AP3B1: variants seen among roughly 807,000 people sequenced by gnomAD.
AP3B1 encodes adaptor related protein complex 3 subunit beta 1, also known as AP-3 complex subunit beta-1.
In AP3B1, 61 loss-of-function variants were observed where a neutral mutation model predicts 132.5. The observed-to-expected ratio is 0.46, with a 90% CI of 0.37 to 0.57. The LOEUF (loss-of-function observed/expected upper bound fraction) is 0.57. Ranked by LOEUF, AP3B1 falls within the 20% of genes least tolerant of loss-of-function variation. The pLI, the probability that AP3B1 is intolerant of heterozygous loss-of-function variation, is 0.00. For synonymous variants in AP3B1, 388 were observed against 438.3 expected (o/e 0.89, Z 1.43); for missense variants, 1,120 against 1,289.4 (o/e 0.87, Z 2.01).
intron 11 of AP3B1, among the ~76,000 whole-genome samples, chr5:78,170,163 A>G (rs942910431): frequency 2.0e-5 from 3 of 152,110 alleles, no homozygotes; most frequent in African/African-American, 7.2e-5. Context: ...TCATTGATGG[A>G]CATCTGGGTT....
intron 22 of AP3B1, among the ~76,000 whole-genome samples, chr5:78,048,179 T>C (rs1399449096): frequency 6.6e-6 from 1 of 152,248 alleles, no homozygotes; most frequent in Non-Finnish European, 1.5e-5. Flanking sequence ...ATGACTTTAA[T>C]TATTCCTGTG....
At chr5:78,014,197 T>C (rs929592617) in intron 26 of AP3B1, among the ~76,000 whole-genome samples, 6 of 150,984 alleles carry the variant, frequency 4.0e-5, no homozygotes, top group African/African-American at 1.5e-4. Context: ...ATGAGACCTC[T>C]TGAGCAACTT....
At chr5:78,169,586 G>A (rs995724532) in intron 11 of AP3B1, among the ~76,000 whole-genome samples, 2 of 151,820 alleles carry the variant, frequency 1.3e-5, no homozygotes, top group Admixed American at 6.6e-5. Context: ...CGGCCACCAC[G>A]CCTGGCTAAT....
intron 22 of AP3B1, among the ~76,000 whole-genome samples, chr5:78,066,145 AC>A (rs1217607303): frequency 6.6e-6 from 1 of 150,808 alleles, no homozygotes; most frequent in African/African-American, 2.4e-5. Context: ...AAAAGTCCCC[AC>A]AAAAACTCCA....
intron 22 of AP3B1, among the ~76,000 whole-genome samples, chr5:78,086,159 C>T (rs900191689): frequency 3.3e-5 from 5 of 152,092 alleles, no homozygotes; most frequent in African/African-American, 9.7e-5. Context: ...TTTCAACAAT[C>T]AGCAGTATCC....
intron 2 of AP3B1, among the ~76,000 whole-genome samples, chr5:78,261,876 C>T (rs773340936): frequency 1.3e-5 from 2 of 152,022 alleles, no homozygotes; most frequent in Admixed American, 6.5e-5. Context: ...CTCAGCCTCC[C>T]GAGCAGCTGG....
intron 21 of AP3B1, 38 bp from the exon 22 acceptor site, chr5:78,089,537 C>G (rs199777145): frequency 5.7e-5 from 74 of 1,305,130 alleles, no homozygotes; most frequent in Admixed American, 1.9e-4. Flanking sequence ...TGTGCATGAA[C>G]GTTTAATTCA....
intron 24 of AP3B1, among the ~76,000 whole-genome samples, chr5:78,026,803 A>T (rs1337279270): frequency 6.6e-6 from 1 of 152,202 alleles, no homozygotes; most frequent in Non-Finnish European, 1.5e-5. Context: ...CAGACACAAA[A>T]GTTATTCTAA....
At chr5:78,188,634 A>G (rs539173948) in intron 7 of AP3B1, among the ~76,000 whole-genome samples, 3 of 152,314 alleles carry the variant, frequency 2.0e-5, no homozygotes, top group East Asian at 3.9e-4. Flanking sequence ...TGGTGGGTAC[A>G]TAAATTAGTA....
At chr5:78,003,126 A>G in intron 26 of AP3B1, 71 bp from the exon 27 acceptor site, 1 of 1,530,422 alleles carries the variant, frequency 6.5e-7, no homozygotes, top group Non-Finnish European at 9.0e-7. Context: ...ACATTCAAAT[A>G]GGATTAAAAT....
chr5:78,274,231 A>G (rs1748677580), intron 1 of AP3B1, among the ~76,000 whole-genome samples: 1 of 152,030 alleles, frequency 6.6e-6, no homozygotes, highest in Non-Finnish European at 1.5e-5. Flanking sequence ...AGAACTGAAA[A>G]GTATAGTATA....
At position 78,279,869 on chromosome 5, in the gene AP3B1, T is replaced by TATATATATATATGACTTAA. The variant is rs1306629728; in HGVS notation, c.129-12293_129-12275dup. On this transcript the variant is annotated intron_variant, in intron 1 of 26. Transcript: ENST00000255194. The stretch of plus-strand genomic sequence containing the variant: ...GACTTAAATATATATAGGACTTAAA[T>TATATATATATATGACTTAA]ATATATATATATGACTTAAATATAT... Among the ~76,000 whole-genome samples the TATATATATATATGACTTAA allele has an allele frequency of 2.6e-3, 283 of 109,800 alleles. 1 individual carries two copies. Among genetic ancestry groups the TATATATATATATGACTTAA allele is most frequent in the Middle Eastern group, 0.011 (2 of 188 alleles). 72.0% of individuals were successfully genotyped at this position (109,800 alleles called of 152,430 possible).
intron 17 of AP3B1, among the ~76,000 whole-genome samples, chr5:78,118,027 C>T (rs1211237786): frequency 6.6e-6 from 1 of 152,094 alleles, no homozygotes; most frequent in Admixed American, 6.6e-5. Context: ...AAGAATGTTT[C>T]TCAGCACTGA....
intron 22 of AP3B1, among the ~76,000 whole-genome samples, chr5:78,039,934 T>C (rs1200714540): frequency 6.6e-6 from 1 of 151,752 alleles, no homozygotes; most frequent in African/African-American, 2.4e-5. Flanking sequence ...AGATCCTCTA[T>C]ATTTGGCCAT....
Position 78,002,821 on chromosome 5 carries a change from T to A in AP3B1, c.*81A>T. The A allele has an allele frequency of 6.7e-7, 1 of 1,499,734 alleles. No individual in the cohort carries two copies. The highest frequency in any genetic ancestry group is 9.3e-7 in the Non-Finnish European group (1 of 1,075,996). The allele number at this position is 1,499,734 out of a possible 1,614,324, so 92.9% of individuals were successfully genotyped here. On this transcript the variant is annotated 3_prime_UTR_variant, in exon 27 of 27. Coordinates refer to ENST00000255194, the MANE Select transcript of AP3B1 (RefSeq NM_003664.5). Reference sequence around the variant, plus strand: ...CCCCCACTGCCAGATGGAAGGGCTATTATTATAAATGAAAGGCAGCAGTAG... The same window carrying A: ...CCCCCACTGCCAGATGGAAGGGCTAATATTATAAATGAAAGGCAGCAGTAG...
chr5:78,120,825 G>C (rs1373403266), intron 17 of AP3B1, among the ~76,000 whole-genome samples: 1 of 152,110 alleles, frequency 6.6e-6, no homozygotes, highest in Non-Finnish European at 1.5e-5. Flanking sequence ...ATTGAACTCA[G>C]CTCTGCACCA....
chr5:78,102,139 A>G (rs1407091377), intron 20 of AP3B1, among the ~76,000 whole-genome samples: 7 of 152,150 alleles, frequency 4.6e-5, no homozygotes, highest in Non-Finnish European at 7.4e-5. Context: ...ATATTTTTGA[A>G]GTATTCCTCT....
Position 78,129,286 on chromosome 5 carries a change from T to A in AP3B1, c.1672A>T (p.Ile558Leu). The change falls in exon 16 of 27, where the codon ATA becomes TTA. Residue 558 changes from isoleucine to leucine, a missense_variant. This residue lies in a region of AP3B1 where 906 missense variants were observed against 997.1 expected (regional missense o/e 0.91). Transcript: ENST00000255194. ...SKQTKLLTQY[I>L]LNLGKYDQNY... ...TGATCATACTTGCCGAGATTTAATA[T>A]GTACTGGGTAAGCAATTTTGTCTGT... is the stretch of plus-strand genomic sequence containing the variant. The A allele has an allele frequency of 6.2e-7, 1 of 1,612,912 alleles. No homozygotes were observed. Among genetic ancestry groups the A allele is most frequent in the Non-Finnish European group, 8.5e-7 (1 of 1,179,038 alleles).
At chr5:78,059,609 A>T (rs1475445226) in intron 22 of AP3B1, among the ~76,000 whole-genome samples, 1 of 152,276 alleles carries the variant, frequency 6.6e-6, no homozygotes, top group Non-Finnish European at 1.5e-5. Flanking sequence ...GACACTAATA[A>T]ATTTGAGTGG....
Sources: gnomAD v4.1 joint callset for allele counts (sites outside exome capture counted in the v4.1 genomes callset) on GRCh38, gnomAD v4.1.1 for gene constraint, gnomAD v4.1.1 regional missense constraint, MANE v1.5 for transcripts, NCBI Gene and HGNC (gene_info 2026-07-23, HGNC 2026-07-21) for gene names.